Variants in NFKBIE observed in about 807,000 individuals in gnomAD.
The protein encoded by NFKBIE is NFKB inhibitor epsilon, also known as NF-kappa-B inhibitor epsilon.
Under a neutral mutation model 31.6 loss-of-function variants are expected in NFKBIE, and 11 were observed. The observed-to-expected ratio is 0.35, with a 90% CI of 0.22 to 0.58. The LOEUF (loss-of-function observed/expected upper bound fraction) is 0.58, where lower values mean the gene tolerates loss of function less well. NFKBIE is among the 20% of genes least tolerant of loss of function. The pLI is 0.83. For missense variants in NFKBIE, 354 were observed against 465.7 expected (o/e 0.76, Z 2.21); for synonymous variants, 208 against 210.1 (o/e 0.99, Z 0.09).
rs1472117862 is a variant in NFKBIE at position 44,258,717 on chromosome 6, A to G, written c.*502T>C. The G allele has an allele frequency of 6.5e-6, 1 of 152,974 alleles. No homozygotes were observed. The highest frequency in any genetic ancestry group is 1.5e-5 in the Non-Finnish European group (1 of 68,548). 9.5% of individuals were successfully genotyped at this position (152,974 alleles called of 1,614,324 possible). On this transcript the variant is annotated 3_prime_UTR_variant, in exon 6 of 6. Transcript: ENST00000619360. Reference sequence around the variant, plus strand: ...TTAACGTCTCTGCCATTTTAGTGTCATGTTACTGAAACTTCCCTTCCCCAG... The same window carrying G: ...TTAACGTCTCTGCCATTTTAGTGTCGTGTTACTGAAACTTCCCTTCCCCAG...
Position 44,265,489 on chromosome 6 carries a change from G to A in NFKBIE, c.-143C>T. The A allele has an allele frequency of 1.3e-6, 2 of 1,532,766 alleles. No homozygotes were observed. Among genetic ancestry groups the A allele is most frequent in the South Asian group, 2.4e-5 (2 of 82,962 alleles). The allele number at this position is 1,532,766 out of a possible 1,614,324, so 94.9% of individuals were successfully genotyped here. A position where few individuals can be genotyped will look rare whatever the true frequency, so the allele number is the denominator to read the frequency against. ...CCTCCTTCCCGGGCTGTGGGGCTCC[G>A]AGGGGCCGGCGCGCAGCGAGGACAA... On this transcript the variant is annotated 5_prime_UTR_variant, in exon 1 of 6. Coordinates refer to ENST00000619360, the MANE Select transcript of NFKBIE (RefSeq NM_004556.3).
At chr6:44,264,299 A>G (rs1397772165) in intron 1 of NFKBIE, among the ~76,000 whole-genome samples, 1 of 152,128 alleles carries the variant, frequency 6.6e-6, no homozygotes, top group African/African-American at 2.4e-5. Context: ...ACCAAACTCC[A>G]TCTGGGTCTG....
chr6:44,265,142 C>T lies in NFKBIE; in HGVS notation c.205G>A (p.Ala69Thr), dbSNP rs1381554157. ...GAGGAGGAGCCATAGGTGGAATCAG[C>T]CCGCTCCCCATCCGCGTCTTCCTTC... is the stretch of plus-strand genomic sequence containing the variant. Reference protein sequence around the residue: ...QEKEDADGERADSTYGSSSLT... With the variant: ...QEKEDADGERTDSTYGSSSLT... The change falls in exon 1 of 6, where the codon GCT (alanine) becomes ACT (threonine). Residue 69 changes from alanine (A) to threonine (T), a missense_variant. This residue lies in a region of NFKBIE where 171 missense variants were observed against 155.1 expected (regional missense o/e 1.10). Transcript: ENST00000619360. The T allele has an allele frequency of 6.4e-7, 1 of 1,552,330 alleles. No individual in the cohort carries two copies. The highest frequency in any genetic ancestry group is 2.4e-5 in the East Asian group (1 of 41,050).
intron 2 of NFKBIE, 138 bp downstream of exon 2, chr6:44,262,422 G>T: frequency 1.5e-6 from 1 of 685,432 alleles, no homozygotes; most frequent in Non-Finnish European, 2.6e-6. Flanking sequence ...TGTCTTACTT[G>T]GGTCTGTCTC....
rs1418103139 is a variant in NFKBIE at position 44,265,395 on chromosome 6, C to T, written c.-49G>A. ...GCCCGGTCTGAGCAGGATCCGGCTC[C>T]AGGCTCCGCCGCGCCGCCTTTCCGG... is the stretch of plus-strand genomic sequence containing the variant. On this transcript the variant is annotated 5_prime_UTR_variant, in exon 1 of 6. Transcript: ENST00000619360. The T allele has an allele frequency of 1.9e-6, 3 of 1,552,640 alleles. No homozygotes were observed. The East Asian group carries it at 7.3e-5, about 38-fold the overall frequency.
rs1781883497 is a variant in NFKBIE, at chr6:44,260,864, C to CACACACACACACACACAG, written c.692-326_692-325insCTGTGTGTGTGTGTGTGT. Among the ~76,000 whole-genome samples, 3 of 107,280 alleles carry CACACACACACACACACAG rather than the reference C, an allele frequency of 2.8e-5. No individual in the cohort carries two copies. Among genetic ancestry groups the CACACACACACACACACAG allele is most frequent in the Non-Finnish European group, 5.2e-5 (3 of 57,678 alleles). The allele number at this position is 107,280 out of a possible 152,430, so 70.4% of individuals were successfully genotyped here. ...ACACACACACACACACATACAGACA[C>CACACACACACACACACAG]ACACACACACACACACACACACACA... On this transcript the variant is annotated intron_variant, in intron 3 of 5. Coordinates refer to ENST00000619360, the MANE Select transcript of NFKBIE (RefSeq NM_004556.3). This position sits in a 1 kb window ranked among gnomAD's most constrained non-coding sequence, Gnocchi z 5.5.
Position 44,265,425 on chromosome 6 carries a change from C to A in NFKBIE, c.-79G>T, listed in dbSNP as rs1279040534. On this transcript the variant is annotated 5_prime_UTR_variant, in exon 1 of 6. Transcript: ENST00000619360. ...TCCGCCGCGCCGCCTTTCCGGGTTG[C>A]GGGTCCGCTTGGCAGAGCGGGCGCC... 6.5e-7 allele frequency: 1 copy of A among 1,540,454 alleles called. No individual in the cohort carries two copies. Among genetic ancestry groups the A allele is most frequent in the South Asian group, 1.2e-5 (1 of 83,878 alleles).
rs886966785 is a variant in NFKBIE, at chr6:44,260,363, A to G, written c.781-81T>C. On this transcript the variant is annotated intron_variant, in intron 4 of 5. Transcript: ENST00000619360. The surrounding 1 kb of genome is among the most constrained non-coding windows in gnomAD (Gnocchi z 5.5). ...GGCTCTGGATAAGGAAGTGAATGCC[A>G]CCACTTCTGACTGCTGGGCAGGGGA... The G allele has an allele frequency of 2.5e-6, 4 of 1,611,278 alleles. No homozygotes were observed. Among genetic ancestry groups the G allele is most frequent in the Non-Finnish European group, 3.4e-6 (4 of 1,177,720 alleles).
chr6:44,262,699 C>G (rs1157685986), intron 1 of NFKBIE, 37 bp from the exon 2 acceptor site: 1 of 1,555,202 alleles, frequency 6.4e-7, no homozygotes, highest in Non-Finnish European at 8.9e-7. Flanking sequence ...GTTAAGGGCC[C>G]AGGCCAGAGG....
At chr6:44,264,110 A>G (rs1782026046) in intron 1 of NFKBIE, among the ~76,000 whole-genome samples, 1 of 152,104 alleles carries the variant, frequency 6.6e-6, no homozygotes, top group African/African-American at 2.4e-5. Context: ...CCCTACTCCT[A>G]TTTATATGAG....
rs373916470 is a variant in NFKBIE, at chr6:44,265,037, C to T, written c.310G>A (p.Ala104Thr). Residue 104 changes from alanine to threonine, a missense_variant, in exon 1 of 6, where the codon GCG (alanine) becomes ACG (threonine). Transcript: ENST00000619360. ...GCTTCCAGCTGCTGAGGGCTCAGCGCCCCCACGTGGGGGAGTGGCAGGCGT... is the reference window on the plus strand; with the variant it reads ...GCTTCCAGCTGCTGAGGGCTCAGCGTCCCCACGTGGGGGAGTGGCAGGCGT... ...APRLPLPHVGALSPQQLEALT... is the reference protein window; with the variant it reads ...APRLPLPHVGTLSPQQLEALT... 6.9e-6 allele frequency: 11 copies of T among 1,585,008 alleles called. No homozygotes were observed. The African/African-American group carries it at 1.5e-4, about 21-fold the overall frequency.
In NFKBIE at chr6:44,265,213, G is replaced by T; in HGVS notation, c.134C>A (p.Pro45His). The T allele has an allele frequency of 6.4e-6, 10 of 1,552,064 alleles. No individual in the cohort carries two copies. Among genetic ancestry groups the T allele is most frequent in the Non-Finnish European group, 8.7e-6 (10 of 1,147,232 alleles). ...TCCCGGAGGATGGGTGCAGGGCTGG[G>T]GGCTGCCGTCCGAGGGCCCGGAGGC... ...APASGPSDGS[P>H]QPCTHPPGPV... is the part of the protein sequence containing the mutation. The change falls in exon 1 of 6, where the codon CCC (proline) becomes CAC (histidine). Residue 45 changes from proline to histidine, a missense_variant. Coordinates refer to ENST00000619360, the MANE Select transcript of NFKBIE (RefSeq NM_004556.3).
rs1469231596 is a variant in NFKBIE, at chr6:44,259,181, A to T, written c.*38T>A. 3 of 1,608,790 alleles carry T rather than the reference A, an allele frequency of 1.9e-6. No individual in the cohort carries two copies. In the African/African-American group the frequency reaches 4.0e-5, roughly 22 times the overall value. ...AGTTATGGCTCCGGCTTCCAGATGGAGAGGTGGAGCCCTGAGGATCCCAGA... is the reference window on the plus strand; with the variant it reads ...AGTTATGGCTCCGGCTTCCAGATGGTGAGGTGGAGCCCTGAGGATCCCAGA... On this transcript the variant is annotated 3_prime_UTR_variant, in exon 6 of 6. Transcript: ENST00000619360.
Position 44,261,547 on chromosome 6 carries a change from T to TC in NFKBIE, c.691+78dup, listed in dbSNP as rs1781921250. 6.8e-7 allele frequency: 1 copy of TC among 1,478,636 alleles called. No individual in the cohort carries two copies. 91.6% of individuals were successfully genotyped at this position (1,478,636 alleles called of 1,614,324 possible). A position where few individuals can be genotyped will look rare whatever the true frequency, so the allele number is the denominator to read the frequency against. On this transcript the variant is annotated intron_variant, in intron 3 of 5. Transcript: ENST00000619360. This position sits in a 1 kb window ranked among gnomAD's most constrained non-coding sequence, Gnocchi z 4.3. Reference sequence around the variant, plus strand: ...CAATGGACAAGCTGGGACCCTCCCTTCCCCAAGAGTGAGGTCCCTATCTCC... The same window carrying TC: ...CAATGGACAAGCTGGGACCCTCCCTTCCCCCAAGAGTGAGGTCCCTATCTCC...
chr6:44,259,565 T>G, intron 5 of NFKBIE, among the ~76,000 whole-genome samples: 1 of 149,258 alleles, frequency 6.7e-6, no homozygotes, highest in Non-Finnish European at 1.5e-5. Context: ...TGGAGTTGTT[T>G]GTTGTTGTTG....
Position 44,259,267 on chromosome 6 carries a change from G to A in NFKBIE, c.1038C>T (p.Pro346=), listed in dbSNP as rs1181455695. 9 of 1,613,478 alleles carry A rather than the reference G, an allele frequency of 5.6e-6. No individual in the cohort carries two copies. The East Asian group carries it at 1.1e-4, about 20-fold the overall frequency. ...DLTEESLVLL[P]FDDLKISGKL... ...TCCCTGAGATCTTCAGGTCATCAAA[G>A]GGCAAAAGGACAAGGGACTGAGAAG... The change falls in exon 6 of 6, where the codon CCC becomes CCT. Residue 346 remains proline (P), a synonymous_variant. Transcript: ENST00000619360.
At chr6:44,259,835 T>C (rs1781830995) in intron 5 of NFKBIE, among the ~76,000 whole-genome samples, 1 of 152,126 alleles carries the variant, frequency 6.6e-6, no homozygotes, top group South Asian at 2.1e-4. Flanking sequence ...ACTTCACTGA[T>C]TCACTTTAAC....
intron 5 of NFKBIE, among the ~76,000 whole-genome samples, chr6:44,259,586 TG>T (rs1052714257): frequency 3.7e-4 from 48 of 128,204 alleles, no homozygotes; most frequent in East Asian, 1.0e-3. Context: ...GGGGATGGGG[TG>T]GGGGGGCTGC....
chr6:44,263,961 G>C lies in NFKBIE; in HGVS notation c.365+1021C>G, dbSNP rs1235620377. ...CTTGGGGTTCTGGGCCTGAGGGCTGGTGATCCAGGCAGAGTACAGAAAGGA... is the reference window on the plus strand; with the variant it reads ...CTTGGGGTTCTGGGCCTGAGGGCTGCTGATCCAGGCAGAGTACAGAAAGGA... On this transcript the variant is annotated intron_variant, in intron 1 of 5. Coordinates refer to ENST00000619360, the MANE Select transcript of NFKBIE (RefSeq NM_004556.3). This position sits in a 1 kb window ranked among gnomAD's most constrained non-coding sequence, Gnocchi z 5.0. Among the ~76,000 whole-genome samples, 3 of 152,160 alleles carry C rather than the reference G, an allele frequency of 2.0e-5. No homozygotes were observed. Among genetic ancestry groups the C allele is most frequent in the African/African-American group, 7.2e-5 (3 of 41,430 alleles).
Sources: allele counts gnomAD v4.1 joint callset (sites outside exome capture counted in the v4.1 genomes callset), GRCh38; gene constraint gnomAD v4.1.1; regional missense constraint gnomAD v4.1.1; non-coding constraint Gnocchi (gnomAD v3.1); transcripts MANE v1.5; gene names NCBI Gene and HGNC (gene_info 2026-07-23, HGNC 2026-07-21).